The following WDR86 variants were observed in gnomAD, a reference collection of about 807,000 sequenced individuals.
WDR86 encodes WD repeat domain 86, also known as WD repeat-containing protein 86.
A neutral mutation model predicts 36.5 loss-of-function variants in WDR86; 30 were observed. That is an observed-to-expected ratio of 0.82 (90% CI 0.61 to 1.11). The LOEUF (loss-of-function observed/expected upper bound fraction) is 1.11. Ranked by LOEUF, WDR86 falls within the 50% of genes most tolerant of loss-of-function variation. The pLI is 0.00. For missense variants in WDR86, 545 were observed against 561.2 expected (o/e 0.97, Z 0.29); for synonymous variants, 255 against 252.9 (o/e 1.01, Z -0.08).
rs370941731 is a variant in WDR86 at position 151,391,389 on chromosome 7, A to G, written c.726+4387T>C. On this transcript the variant is annotated intron_variant, in intron 3 of 5. Coordinates refer to ENST00000334493, the MANE Select transcript of WDR86 (RefSeq NM_198285.3). ...CCTAATCAAACCTGGCTTGTAAGGCAGCAGCCTTCTAACCCCTGCAAAACT... is the reference window on the plus strand; with the variant it reads ...CCTAATCAAACCTGGCTTGTAAGGCGGCAGCCTTCTAACCCCTGCAAAACT... Among the ~76,000 whole-genome samples the G allele has an allele frequency of 5.3e-5, 8 of 152,350 alleles. No individual in the cohort carries two copies. The East Asian group carries it at 9.6e-4, about 18-fold the overall frequency.
At chr7:151,402,070 A>AAAAAATATATATATATAT in intron 1 of WDR86, among the ~76,000 whole-genome samples, 3 of 50,548 alleles carry the variant, frequency 5.9e-5, no homozygotes, top group African/African-American at 1.2e-4. Flanking sequence ...AAAAAAAAAA[A>AAAAAATATATATATATAT]ATATATATAT....
At chr7:151,403,056 C>T (rs1279449444) in intron 1 of WDR86, among the ~76,000 whole-genome samples, 2 of 152,252 alleles carry the variant, frequency 1.3e-5, no homozygotes, top group African/African-American at 4.8e-5. Context: ...AATCCTCCTG[C>T]ATACTTCAGT....
intron 4 of WDR86, among the ~76,000 whole-genome samples, chr7:151,382,221 C>CG (rs1244959281): frequency 6.6e-6 from 1 of 152,226 alleles, no homozygotes; most frequent in East Asian, 1.9e-4. Context: ...GAACACCGCC[C>CG]GGGCCCAGTC....
downstream of WDR86, chr7:151,376,498 G>A (rs921898843): frequency 3.6e-6 from 3 of 831,302 alleles, no homozygotes; most frequent in South Asian, 5.9e-5. Flanking sequence ...ACAGAAGCAT[G>A]ACTTGTGCAC....
At chr7:151,378,596 C>G (rs1798420469), downstream of WDR86, 1 of 152,222 alleles carries the variant, frequency 6.6e-6, no homozygotes, top group Non-Finnish European at 1.5e-5. Context: ...ATCTCAGAAG[C>G]AGAGGGCATC....
intron 2 of WDR86, among the ~76,000 whole-genome samples, chr7:151,397,941 C>T (rs1053349211): frequency 6.6e-6 from 1 of 151,950 alleles, no homozygotes; most frequent in African/African-American, 2.4e-5. Flanking sequence ...ACTGAACGAT[C>T]GGTGACCCCA....
At chr7:151,374,031 C>T (rs1192761849), downstream of WDR86, 30 of 1,479,098 alleles carry the variant, frequency 2.0e-5, no homozygotes, top group African/African-American at 4.3e-5. Flanking sequence ...TCCTGCAGAG[C>T]GCAGACTGAG....
At position 151,403,978 on chromosome 7, in the gene WDR86, G is replaced by A. The variant is rs1484827312; in HGVS notation, c.164-3737C>T. ...TCCCGACGCATCTCAGCCCCAGGAA[G>A]GTGAAGCGCAGCAGTGAGTCATATG... is the stretch of plus-strand genomic sequence containing the variant. On this transcript the variant is annotated intron_variant, in intron 1 of 5. Coordinates refer to ENST00000334493, the MANE Select transcript of WDR86 (RefSeq NM_198285.3). 3.3e-5 allele frequency among the ~76,000 whole-genome samples: 5 copies of A among 152,180 alleles called. No individual in the cohort carries two copies. The East Asian group carries it at 9.6e-4, about 29-fold the overall frequency.
downstream of WDR86, among the ~76,000 whole-genome samples, chr7:151,378,947 C>T (rs1003040849): frequency 1.3e-5 from 2 of 152,150 alleles, no homozygotes; most frequent in Non-Finnish European, 2.9e-5. Context: ...TCTGGGCATG[C>T]GCTATGTCCA....
At chr7:151,398,134 A>G (rs1280768892) in intron 2 of WDR86, among the ~76,000 whole-genome samples, 1 of 152,156 alleles carries the variant, frequency 6.6e-6, no homozygotes, top group African/African-American at 2.4e-5. Context: ...GCATATGTGT[A>G]TATGTGCATG....
chr7:151,376,076 C>T, exon 2 of WDR86: 4 of 682,924 alleles, frequency 5.9e-6, no homozygotes, highest in Middle Eastern at 3.1e-4. Context: ...CAGGTGTAAC[C>T]TGCCCACCTC....
At chr7:151,374,438 T>C (rs1417855040), downstream of WDR86, 2 of 714,712 alleles carry the variant, frequency 2.8e-6, no homozygotes, top group Non-Finnish European at 4.7e-6. Context: ...CCATGCTCAG[T>C]GCTTGGCCCA....
intron 3 of WDR86, among the ~76,000 whole-genome samples, chr7:151,394,743 G>A (rs1799685452): frequency 1.3e-5 from 2 of 152,360 alleles, no homozygotes; most frequent in South Asian, 2.1e-4. Flanking sequence ...GCCCACGGAC[G>A]GGGCAACTTC....
rs1799169795 is a variant in WDR86 at position 151,388,653 on chromosome 7, A to G, written c.727-3430T>C. Among the ~76,000 whole-genome samples the G allele has an allele frequency of 6.6e-6, 1 of 152,162 alleles. No individual in the cohort carries two copies. The highest frequency in any genetic ancestry group is 6.5e-5 in the Admixed American group (1 of 15,276). On this transcript the variant is annotated intron_variant, in intron 3 of 5. Coordinates refer to ENST00000334493, the MANE Select transcript of WDR86 (RefSeq NM_198285.3). This position sits in a 1 kb window ranked among gnomAD's most constrained non-coding sequence, Gnocchi z 4.2. The stretch of plus-strand genomic sequence containing the variant: ...CATGCAGTCCTGTAAAAGGCGAGGG[A>G]GGCAGAGGCCCCTCTGGGCACGGTG...
rs141129146 is a variant in WDR86 at position 151,384,271 on chromosome 7, T to C, written c.862+817A>G. On this transcript the variant is annotated intron_variant, in intron 4 of 5. Coordinates refer to ENST00000334493, the MANE Select transcript of WDR86 (RefSeq NM_198285.3). ...CCTGCCCAACAAGCGATTCTGCCCTTCTTTCTTTCCAAAATAACCCTGATT... is the reference window on the plus strand; with the variant it reads ...CCTGCCCAACAAGCGATTCTGCCCTCCTTTCTTTCCAAAATAACCCTGATT... Among the ~76,000 whole-genome samples, 579 of 152,298 alleles carry C rather than the reference T, an allele frequency of 3.8e-3. 6 individuals carry two copies. The highest frequency in any genetic ancestry group is 0.013 in the African/African-American group (545 of 41,564).
At chr7:151,403,439 A>G (rs1370530035) in intron 1 of WDR86, among the ~76,000 whole-genome samples, 1 of 152,252 alleles carries the variant, frequency 6.6e-6, no homozygotes, top group Non-Finnish European at 1.5e-5. Flanking sequence ...GGTATTGGGT[A>G]GACAGGGATT....
At chr7:151,384,759 G>A (rs947581891) in intron 4 of WDR86, among the ~76,000 whole-genome samples, 1 of 152,180 alleles carries the variant, frequency 6.6e-6, no homozygotes, top group African/African-American at 2.4e-5. Flanking sequence ...TGTGGCCCTC[G>A]AGGCTGGCAG....
At chr7:151,386,871 G>A (rs576178665) in intron 3 of WDR86, among the ~76,000 whole-genome samples, 1 of 152,250 alleles carries the variant, frequency 6.6e-6, no homozygotes, top group African/African-American at 2.4e-5. Context: ...CTCTGGGCAC[G>A]TGCCTTCCTC....
intron 1 of WDR86, among the ~76,000 whole-genome samples, chr7:151,408,200 T>TC (rs1443321828): frequency 1.7e-5 from 2 of 119,670 alleles, no homozygotes; most frequent in African/African-American, 9.6e-5. Flanking sequence ...TTTTCTTTTC[T>TC]TTTTTTTTTT....
Sources: gnomAD v4.1 joint callset for allele counts (sites outside exome capture counted in the v4.1 genomes callset) on GRCh38, gnomAD v4.1.1 for gene constraint, Gnocchi (gnomAD v3.1) non-coding constraint, MANE v1.5 for transcripts, NCBI Gene and HGNC (gene_info 2026-07-23, HGNC 2026-07-21) for gene names.